Variants in PPP1R1C observed in about 807,000 individuals in gnomAD.
PPP1R1C encodes protein phosphatase 1 regulatory inhibitor subunit 1C.
In PPP1R1C, 15 loss-of-function variants were observed where a neutral mutation model predicts 17.4. The ratio of observed to expected loss-of-function variants is 0.86; its 90% CI spans 0.58 to 1.33. The LOEUF (loss-of-function observed/expected upper bound fraction) is 1.33, where lower values mean the gene tolerates loss of function less well. PPP1R1C is among the 40% of genes most tolerant of loss of function. The probability of loss-of-function intolerance (pLI) is 0.00; values close to 1 mark genes in which losing one functional copy is unlikely to be tolerated. For synonymous variants in PPP1R1C, 35 were observed against 43.1 expected (o/e 0.81, Z 0.73); for missense variants, 143 against 130.0 (o/e 1.10, Z -0.48).
chr2:182,018,756 G>T (rs1686331941), intron 2 of PPP1R1C, among the ~76,000 whole-genome samples: 2 of 152,152 alleles, frequency 1.3e-5, no homozygotes, highest in Non-Finnish European at 2.9e-5. Flanking sequence ...AATAGTGTAG[G>T]AACGAATGAT....
intron 1 of PPP1R1C, among the ~76,000 whole-genome samples, chr2:181,969,834 G>A (rs990621607): frequency 3.9e-5 from 6 of 152,140 alleles, no homozygotes; most frequent in Non-Finnish European, 7.4e-5. Context: ...TTTTCAAACA[G>A]CCTGTCTTCA....
At chr2:182,115,989 T>C (rs950749649) in intron 4 of PPP1R1C, among the ~76,000 whole-genome samples, 3 of 152,188 alleles carry the variant, frequency 2.0e-5, no homozygotes, top group Admixed American at 1.3e-4. Context: ...TAACTATCAC[T>C]ATATGCAGAA....
chr2:182,048,442 T>G (rs1687408773), intron 2 of PPP1R1C, among the ~76,000 whole-genome samples: 1 of 152,226 alleles, frequency 6.6e-6, no homozygotes, highest in African/African-American at 2.4e-5. Context: ...ATAGCCCTAT[T>G]ACATTTAGCC....
intron 4 of PPP1R1C, among the ~76,000 whole-genome samples, chr2:182,110,219 C>G (rs1201196265): frequency 1.3e-5 from 2 of 151,970 alleles, no homozygotes; most frequent in African/African-American, 4.8e-5. Flanking sequence ...CAAAATATCA[C>G]TCTGTACTCC....
intron 4 of PPP1R1C, among the ~76,000 whole-genome samples, chr2:182,092,952 G>A (rs925519454): frequency 1.3e-5 from 2 of 152,178 alleles, no homozygotes; most frequent in African/African-American, 4.8e-5. Context: ...GGGGTCTGAA[G>A]GACGGTGGCC....
At chr2:182,099,249 T>C (rs1162913444) in intron 4 of PPP1R1C, among the ~76,000 whole-genome samples, 1 of 152,218 alleles carries the variant, frequency 6.6e-6, no homozygotes, top group East Asian at 1.9e-4. Flanking sequence ...TACTTCCCAG[T>C]TTGATTTTTG....
chr2:182,005,110 T>A (rs895949045), intron 2 of PPP1R1C, among the ~76,000 whole-genome samples: 1 of 152,236 alleles, frequency 6.6e-6, no homozygotes, highest in Non-Finnish European at 1.5e-5. Context: ...AAGCACAATG[T>A]GCTTATAAAA....
rs367632685 is a variant in PPP1R1C at position 181,989,250 on chromosome 2, C to T, written c.142+1351C>T. On this transcript the variant is annotated intron_variant, in intron 2 of 4. Transcript: ENST00000682840. ...TTTCAGAGGTCTATAGGCATCATTG[C>T]TGTTTGAACATAGTGAAGTCATGTA... Among the ~76,000 whole-genome samples, 84 of 152,264 alleles carry T rather than the reference C, an allele frequency of 5.5e-4. 1 individual carries two copies. The highest frequency in any genetic ancestry group is 1.9e-3 in the African/African-American group (81 of 41,558).
chr2:182,072,042 A>T (rs1482460342), intron 4 of PPP1R1C, among the ~76,000 whole-genome samples: 1 of 152,238 alleles, frequency 6.6e-6, no homozygotes, highest in Non-Finnish European at 1.5e-5. Context: ...ATGTGTGAAT[A>T]AGCATGTGGT....
chr2:182,106,803 G>A (rs1273977066), intron 4 of PPP1R1C, among the ~76,000 whole-genome samples: 1 of 152,152 alleles, frequency 6.6e-6, no homozygotes, highest in African/African-American at 2.4e-5. Context: ...TAGGGCTTCA[G>A]GAGCTGTAAA....
At chr2:182,057,773 G>T (rs143996764) in intron 2 of PPP1R1C, among the ~76,000 whole-genome samples, 62 of 152,006 alleles carry the variant, frequency 4.1e-4, no homozygotes, top group African/African-American at 1.4e-3. Context: ...ATATTTTCAT[G>T]ACCTTGTTTT....
intron 4 of PPP1R1C, among the ~76,000 whole-genome samples, chr2:182,093,465 G>C (rs562325100): frequency 6.6e-6 from 1 of 152,144 alleles, no homozygotes; most frequent in South Asian, 2.1e-4. Flanking sequence ...TCAGCTCCTC[G>C]TTACTTATGC....
At chr2:182,013,523 T>G (rs1370876112) in intron 2 of PPP1R1C, among the ~76,000 whole-genome samples, 9 of 152,276 alleles carry the variant, frequency 5.9e-5, no homozygotes, top group African/African-American at 2.2e-4. Flanking sequence ...TTGGGTTAAA[T>G]CTGCTTGGTG....
chr2:181,961,655 C>A lies in PPP1R1C; in HGVS notation n.111+7021C>A. ...GTAGTGACCACTGTGGTGCTCTTCT[C>A]AATCTGCTGAGACCAGCACTTGTCC... On this transcript the variant is annotated intron_variant and non_coding_transcript_variant, in intron 1 of 5. Transcript: ENST00000464264. The surrounding 1 kb of genome is among the most constrained non-coding windows in gnomAD (Gnocchi z 5.8). 1 of 754,422 alleles carries A rather than the reference C, an allele frequency of 1.3e-6. No individual in the cohort carries two copies. The highest frequency in any genetic ancestry group is 1.4e-5 in the South Asian group (1 of 71,636). The allele number at this position is 754,422 out of a possible 1,614,324, so 46.7% of individuals were successfully genotyped here. A position where few individuals can be genotyped will look rare whatever the true frequency, so the allele number is the denominator to read the frequency against.
chr2:182,090,039 G>T (rs960704807), intron 4 of PPP1R1C, among the ~76,000 whole-genome samples: 1 of 151,814 alleles, frequency 6.6e-6, no homozygotes, highest in Non-Finnish European at 1.5e-5. Context: ...CTAACCAAAA[G>T]CAAATCTTTT....
intron 2 of PPP1R1C, among the ~76,000 whole-genome samples, chr2:181,994,923 A>G (rs1224500800): frequency 6.6e-6 from 1 of 152,238 alleles, no homozygotes; most frequent in Admixed American, 6.5e-5. Context: ...GATTGAGGTC[A>G]GAGCTAAAAT....
rs559918411 is a variant in PPP1R1C, at chr2:181,959,434, C to T, written n.111+4800C>T. On this transcript the variant is annotated intron_variant and non_coding_transcript_variant, in intron 1 of 5. Transcript: ENST00000464264. Reference sequence around the variant, plus strand: ...TATTGTGAGTAATTAATGGTTATGTCTATTTAAATTTGCTTTATACAGAGC... The same window carrying T: ...TATTGTGAGTAATTAATGGTTATGTTTATTTAAATTTGCTTTATACAGAGC... Among the ~76,000 whole-genome samples, 13 of 152,234 alleles carry T rather than the reference C, an allele frequency of 8.5e-5. No individual in the cohort carries two copies. The South Asian group carries it at 2.3e-3, about 27-fold the overall frequency.
At chr2:182,065,157 G>A (rs965538343) in intron 4 of PPP1R1C, among the ~76,000 whole-genome samples, 3 of 151,908 alleles carry the variant, frequency 2.0e-5, no homozygotes, top group Admixed American at 6.6e-5. Flanking sequence ...AAGTCTCCCC[G>A]AGATACTCAT....
intron 2 of PPP1R1C, among the ~76,000 whole-genome samples, chr2:182,054,117 T>C (rs1687612460): frequency 6.6e-6 from 1 of 152,220 alleles, no homozygotes. Flanking sequence ...TTTTGATGTA[T>C]TAATTTTCTC....
Sources: gnomAD v4.1 joint callset for allele counts (sites outside exome capture counted in the v4.1 genomes callset) on GRCh38, gnomAD v4.1.1 for gene constraint, Gnocchi (gnomAD v3.1) non-coding constraint, MANE v1.5 for transcripts, NCBI Gene and HGNC (gene_info 2026-07-23, HGNC 2026-07-21) for gene names.